The following RBFOX2 variants were observed in gnomAD, a reference collection of about 807,000 sequenced individuals.
RBFOX2 encodes the protein RNA binding fox-1 homolog 2, also known as RNA binding protein fox-1 homolog 2.
RBFOX2 carries 10 observed loss-of-function variants against 49.1 expected under a neutral mutation model. The observed-to-expected ratio is 0.20, with a 90% confidence interval of 0.13 to 0.35. RBFOX2 has a LOEUF of 0.35. Ranked by LOEUF, RBFOX2 falls within the 10% of genes least tolerant of loss-of-function variation. The probability of loss-of-function intolerance (pLI) is 1.00; values close to 1 mark genes in which losing one functional copy is unlikely to be tolerated. For synonymous variants in RBFOX2, 183 were observed against 187.4 expected, an observed-to-expected ratio of 0.98 and a Z score of 0.19; for missense variants, 323 against 486.9, an observed-to-expected ratio of 0.66 and a Z score of 3.17.
At chr22:35,977,021 G>A (rs1393864040) in intron 1 of RBFOX2, among the ~76,000 whole-genome samples, 3 of 150,576 alleles carry the variant, frequency 2.0e-5, no homozygotes, top group Non-Finnish European at 4.4e-5. Context: ...AAAAAAATGT[G>A]CAAAACATTT....
At chr22:36,026,559 C>CACACACAA (rs2146610595) in intron 1 of RBFOX2, among the ~76,000 whole-genome samples, 1 of 152,010 alleles carries the variant, frequency 6.6e-6, no homozygotes, top group Non-Finnish European at 1.5e-5. Flanking sequence ...CACACACACA[C>CACACACAA]ACACACACAC....
At chr22:35,751,917 A>G (rs1342782861) in intron 9 of RBFOX2, among the ~76,000 whole-genome samples, 1 of 152,208 alleles carries the variant, frequency 6.6e-6, no homozygotes, top group Non-Finnish European at 1.5e-5. Context: ...CATTTCCAAA[A>G]TCTTGCTGGG....
chr22:35,920,376 G>A (rs1007322347), intron 1 of RBFOX2, among the ~76,000 whole-genome samples: 1 of 152,150 alleles, frequency 6.6e-6, no homozygotes, highest in African/African-American at 2.4e-5. Context: ...GGCTGTTGGT[G>A]CCATCAAATT....
intron 1 of RBFOX2, among the ~76,000 whole-genome samples, chr22:35,831,700 C>G (rs1165463472): frequency 1.3e-5 from 2 of 152,198 alleles, no homozygotes; most frequent in East Asian, 3.9e-4. Context: ...TCTTTGCTCT[C>G]AGTTAAGAGT....
At chr22:35,821,537 C>T (rs551722196) in intron 1 of RBFOX2, among the ~76,000 whole-genome samples, 9 of 126,720 alleles carry the variant, frequency 7.1e-5, no homozygotes, top group Non-Finnish European at 1.3e-4. Context: ...TGGAGGTGGA[C>T]GTTGCAGTGA....
chr22:35,814,837 T>C (rs1224559105), intron 1 of RBFOX2, among the ~76,000 whole-genome samples: 1 of 151,872 alleles, frequency 6.6e-6, no homozygotes, highest in Non-Finnish European at 1.5e-5. Context: ...GGAGGATCTC[T>C]TGAGCTCAGG....
At chr22:35,963,994 C>T (rs928721691), upstream of RBFOX2, among the ~76,000 whole-genome samples, 3 of 152,196 alleles carry the variant, frequency 2.0e-5, no homozygotes, top group Admixed American at 6.5e-5. Context: ...GATTTCCACA[C>T]CTCGGCCTTC....
chr22:35,763,987 T>A (rs984825693), intron 6 of RBFOX2, among the ~76,000 whole-genome samples: 2 of 151,692 alleles, frequency 1.3e-5, no homozygotes, highest in Non-Finnish European at 3.0e-5. Context: ...AAATTTGACA[T>A]TCTTTGCCTC....
At chr22:35,988,760 G>A (rs2057835379) in intron 1 of RBFOX2, among the ~76,000 whole-genome samples, 1 of 152,198 alleles carries the variant, frequency 6.6e-6, no homozygotes, top group South Asian at 2.1e-4. Flanking sequence ...AAAAATTACT[G>A]CAACGCAATG....
intron 1 of RBFOX2, among the ~76,000 whole-genome samples, chr22:35,862,912 G>A (rs926394892): frequency 1.3e-5 from 2 of 152,074 alleles, no homozygotes; most frequent in African/African-American, 4.8e-5. Context: ...TGATGTTATC[G>A]GCGTCATTGC....
intron 4 of RBFOX2, 62 bp from the exon 6 acceptor site, chr22:35,768,411 T>C (rs1941680547): frequency 7.2e-7 from 1 of 1,390,790 alleles, no homozygotes; most frequent in Admixed American, 1.8e-5. Context: ...ACTGATCTCT[T>C]GGTAAATAGA....
intron 1 of RBFOX2, among the ~76,000 whole-genome samples, chr22:35,906,182 T>C (rs111656105): frequency 6.6e-6 from 1 of 152,188 alleles, no homozygotes; most frequent in Non-Finnish European, 1.5e-5. Context: ...TTAAAACCAG[T>C]GGTTTTTTAA....
At chr22:35,778,271 C>T (rs1237136984) in intron 3 of RBFOX2, among the ~76,000 whole-genome samples, 193 bp from the exon 5 acceptor site, 1 of 152,168 alleles carries the variant, frequency 6.6e-6, no homozygotes. Flanking sequence ...AGTTTATCCA[C>T]CTGTGTGTGT....
intron 2 of RBFOX2, among the ~76,000 whole-genome samples, chr22:35,807,590 C>T (rs892554802): frequency 6.6e-6 from 1 of 151,740 alleles, no homozygotes; most frequent in African/African-American, 2.4e-5. Context: ...TTACGGTATG[C>T]AGCTAAAGGG....
chr22:35,763,098 T>C (rs986280215), intron 6 of RBFOX2, among the ~76,000 whole-genome samples: 1 of 152,228 alleles, frequency 6.6e-6, no homozygotes, highest in Non-Finnish European at 1.5e-5. Flanking sequence ...TAAATGAGAA[T>C]GCTGACTGAG....
At chr22:35,876,701 AACACACACACAC>A (rs142455818) in intron 1 of RBFOX2, among the ~76,000 whole-genome samples, 223 of 140,554 alleles carry the variant, frequency 1.6e-3, no homozygotes, top group African/African-American at 4.1e-3. Flanking sequence ...CATTAAAAGA[AACACACACACAC>A]ACACACACAC....
In RBFOX2 at chr22:35,920,175, C is replaced by G. The variant is rs2050873201; in HGVS notation, c.-34+18672G>C. Among the ~76,000 whole-genome samples, 13 of 152,298 alleles carry G rather than the reference C, an allele frequency of 8.5e-5. No homozygotes were observed. The South Asian group carries it at 2.7e-3, about 32-fold the overall frequency. ...TAAATGTCACTGTCAGTTTCCACTG[C>G]TGTAAAATGGGGAAAACTAATGTAT... On this transcript the variant is annotated intron_variant, in intron 1 of 13. Coordinates refer to the RBFOX2 transcript ENST00000359369.
intron 1 of RBFOX2, among the ~76,000 whole-genome samples, chr22:35,884,000 CTTTTTTTTT>C (rs34644201): frequency 2.6e-4 from 16 of 62,640 alleles, no homozygotes; most frequent in African/African-American, 8.3e-4. Flanking sequence ...GTAGTTATCT[CTTTTTTTTT>C]TTTTTTTTTT....
intron 9 of RBFOX2, among the ~76,000 whole-genome samples, chr22:35,754,491 TAACTC>T (rs531479843): frequency 1.3e-5 from 2 of 152,260 alleles, no homozygotes; most frequent in Admixed American, 6.5e-5. Flanking sequence ...ATTTAAGAAA[TAACTC>T]AAATGGAAAA....
Sources: allele counts gnomAD v4.1 joint callset (sites outside exome capture counted in the v4.1 genomes callset), GRCh38; gene constraint gnomAD v4.1.1; transcripts MANE v1.5; gene names NCBI Gene and HGNC (gene_info 2026-07-23, HGNC 2026-07-21).